The following FMNL2 variants were observed in gnomAD, a reference collection of about 807,000 sequenced individuals.
FMNL2 encodes formin like 2.
In FMNL2, 51 loss-of-function variants were observed where a neutral mutation model predicts 130.2. The ratio of observed to expected loss-of-function variants is 0.39; its 90% confidence interval spans 0.31 to 0.49. The LOEUF is 0.49. Ranked by LOEUF, FMNL2 falls within the 20% of genes least tolerant of loss-of-function variation. FMNL2 has a pLI of 0.85. For missense variants in FMNL2, 977 were observed against 1,316.2 expected, an observed-to-expected ratio of 0.74 and a Z score of 3.99; for synonymous variants, 465 against 467.1, an observed-to-expected ratio of 1.00 and a Z score of 0.06.
At chr2:152,590,812 G>C (rs927992142) in intron 9 of FMNL2, among the ~76,000 whole-genome samples, 5 of 151,760 alleles carry the variant, frequency 3.3e-5, no homozygotes, top group African/African-American at 1.2e-4. Flanking sequence ...AGATATATGT[G>C]TGCACAGTAA....
chr2:152,607,559 T>A (rs558907232), intron 10 of FMNL2, 146 bp downstream of exon 10: 1 of 616,364 alleles, frequency 1.6e-6, no homozygotes, highest in East Asian at 2.8e-5. Flanking sequence ...ATAGATCCAA[T>A]CTAGAATGTC....
rs1169677580 is a variant in FMNL2 at position 152,614,884 on chromosome 2, GTCCAGA to G, written c.1102_1107del (p.Ile368_Gln369del). The G allele has an allele frequency of 6.2e-7, 1 of 1,613,218 alleles. No homozygotes were observed. ...ACACACTGAGAGTGACAAGCTTCAA[GTCCAGA>G]TCCAGGCTTACCTGGACAATGTTTT... On this transcript the variant is annotated inframe_deletion, in exon 12 of 26. Transcript: ENST00000288670.
intron 1 of FMNL2, among the ~76,000 whole-genome samples, chr2:152,438,334 C>T (rs1248221364): frequency 2.6e-5 from 4 of 152,140 alleles, no homozygotes; most frequent in Non-Finnish European, 4.4e-5. Flanking sequence ...GAAGTAAAAG[C>T]ATGGCAAATT....
chr2:152,433,951 C>T (rs953366426), intron 1 of FMNL2, among the ~76,000 whole-genome samples: 13 of 152,022 alleles, frequency 8.6e-5, no homozygotes, highest in East Asian at 3.8e-4. Flanking sequence ...GGCCAAACAA[C>T]GAATTATTAT....
intron 1 of FMNL2, among the ~76,000 whole-genome samples, chr2:152,465,647 G>T (rs1579730412): frequency 6.6e-6 from 1 of 152,162 alleles, no homozygotes; most frequent in Non-Finnish European, 1.5e-5. Flanking sequence ...CCCCCATCTG[G>T]CTCAAGCTAA....
intron 18 of FMNL2, among the ~76,000 whole-genome samples, chr2:152,629,100 C>T (rs1351824344): frequency 6.6e-6 from 1 of 151,904 alleles, no homozygotes; most frequent in African/African-American, 2.4e-5. Flanking sequence ...CAGTTCTCTC[C>T]CAATTCTGTT....
At chr2:152,621,089 G>C in intron 15 of FMNL2, 1 of 985,454 alleles carries the variant, frequency 1.0e-6, no homozygotes, top group Non-Finnish European at 1.2e-6. Flanking sequence ...TCACCAGGCT[G>C]TTGTCAGTAA....
At chr2:152,509,573 A>G (rs1692375453) in intron 1 of FMNL2, among the ~76,000 whole-genome samples, 1 of 151,968 alleles carries the variant, frequency 6.6e-6, no homozygotes, top group Admixed American at 6.6e-5. Flanking sequence ...AACAAGTGCT[A>G]TTAGAGATAA....
At chr2:152,342,728 A>C (rs1042320408) in intron 1 of FMNL2, among the ~76,000 whole-genome samples, 1 of 152,160 alleles carries the variant, frequency 6.6e-6, no homozygotes, top group African/African-American at 2.4e-5. Context: ...AACTGATAGC[A>C]TATAATTTGG....
chr2:152,436,271 G>A (rs1167231597), intron 1 of FMNL2, among the ~76,000 whole-genome samples: 1 of 151,910 alleles, frequency 6.6e-6, no homozygotes, highest in Non-Finnish European at 1.5e-5. Context: ...GCTCAAGCCT[G>A]CTGACTAGCT....
At chr2:152,376,193 C>A (rs540616158) in intron 1 of FMNL2, among the ~76,000 whole-genome samples, 36 of 152,216 alleles carry the variant, frequency 2.4e-4, no homozygotes, top group Admixed American at 1.6e-3. Flanking sequence ...CTGTGTCCAG[C>A]CACTATAATT....
At chr2:152,359,042 T>G (rs994758283) in intron 1 of FMNL2, among the ~76,000 whole-genome samples, 1 of 152,204 alleles carries the variant, frequency 6.6e-6, no homozygotes, top group Non-Finnish European at 1.5e-5. Context: ...TTTTAGTACC[T>G]ACATGGCACT....
intron 1 of FMNL2, among the ~76,000 whole-genome samples, chr2:152,382,483 A>G (rs192147039): frequency 3.7e-4 from 57 of 152,320 alleles, no homozygotes; most frequent in African/African-American, 1.3e-3. Context: ...AGCAGATCTC[A>G]AGAAGGGCTG....
intron 1 of FMNL2, among the ~76,000 whole-genome samples, chr2:152,514,256 C>T (rs1288018176): frequency 2.0e-5 from 3 of 151,978 alleles, no homozygotes; most frequent in Non-Finnish European, 4.4e-5. Flanking sequence ...ATTTGAAGAC[C>T]CCTTGAAGAC....
At position 152,335,390 on chromosome 2, in the gene FMNL2, G is replaced by A. The variant is rs1173900879; in HGVS notation, c.-214G>A. 4 of 280,378 alleles carry A rather than the reference G, an allele frequency of 1.4e-5. No individual in the cohort carries two copies. Among genetic ancestry groups the A allele is most frequent in the South Asian group, 1.5e-4 (1 of 6,504 alleles). 17.4% of individuals were successfully genotyped at this position (280,378 alleles called of 1,614,324 possible). On this transcript the variant is annotated 5_prime_UTR_variant, in exon 1 of 26. Transcript: ENST00000288670. ...GAGGAAAAGAGGCCGGGGCCGCGCT[G>A]GGGCGGCGGAGAGCATGAGGGAGGC...
chr2:152,531,009 A>T (rs1385258285), intron 2 of FMNL2, among the ~76,000 whole-genome samples: 2 of 152,202 alleles, frequency 1.3e-5, no homozygotes, highest in African/African-American at 4.8e-5. Flanking sequence ...AACATGGCGG[A>T]TACTAGCTGT....
Position 152,342,964 on chromosome 2 carries a change from G to A in FMNL2, c.117+7244G>A, listed in dbSNP as rs577881217. Among the ~76,000 whole-genome samples the A allele has an allele frequency of 3.9e-5, 6 of 152,282 alleles. No homozygotes were observed. The South Asian group carries it at 1.2e-3, about 32-fold the overall frequency. ...AAAAACATGACCATCAGTGTTCACT[G>A]GTAGGCAATTATCACAAACTCTCTA... On this transcript the variant is annotated intron_variant, in intron 1 of 25. Coordinates refer to ENST00000288670, the MANE Select transcript of FMNL2 (RefSeq NM_052905.4).
intron 1 of FMNL2, among the ~76,000 whole-genome samples, chr2:152,417,836 A>G (rs1686697718): frequency 6.6e-6 from 1 of 151,802 alleles, no homozygotes; most frequent in African/African-American, 2.4e-5. Flanking sequence ...TTTTATTATT[A>G]TTATTTTTTC....
At chr2:152,645,688 C>T (rs531273864) in intron 25 of FMNL2, among the ~76,000 whole-genome samples, 16 of 152,276 alleles carry the variant, frequency 1.1e-4, no homozygotes, top group South Asian at 8.3e-4. Flanking sequence ...GACTCTTTCT[C>T]GGCCTGCTTT....
Sources: gnomAD v4.1 joint callset for allele counts (sites outside exome capture counted in the v4.1 genomes callset) on GRCh38, gnomAD v4.1.1 for gene constraint, MANE v1.5 for transcripts, NCBI Gene and HGNC (gene_info 2026-07-23, HGNC 2026-07-21) for gene names.